NRBP2: variants seen among roughly 807,000 people sequenced by gnomAD.
The protein encoded by NRBP2 is nuclear receptor binding protein 2.
Under a neutral mutation model 74.4 loss-of-function variants are expected in NRBP2, and 47 were observed. The observed-to-expected ratio is 0.63, with a 90% CI of 0.50 to 0.81. NRBP2 has a LOEUF of 0.81. Among genes scored for constraint, NRBP2 ranks in the 30% least tolerant of loss-of-function variants. NRBP2 has a pLI of 0.00. For missense variants in NRBP2, 613 were observed against 690.1 expected (o/e 0.89, Z 1.25); for synonymous variants, 312 against 273.8 (o/e 1.14, Z -1.38).
chr8:143,840,113 C>T lies in NRBP2; in HGVS notation c.246G>A (p.Ala82=), dbSNP rs1357796997. 6.5e-6 allele frequency: 10 copies of T among 1,536,004 alleles called. No homozygotes were observed. The highest frequency in any genetic ancestry group is 8.7e-6 in the Non-Finnish European group (10 of 1,146,900). The part of the protein sequence containing the change: ...LHFGDRKAFA[A]HEEKIQTVFE... ...GAGGGGGCAGCGGTCTCACCTCGTG[C>T]GCCGCGAAGGCCTTCCTGTCTCCGA... is the stretch of plus-strand genomic sequence containing the variant. The change falls in exon 2 of 18, where the codon GCG becomes GCA. Residue 82 remains alanine (A), a synonymous_variant. Transcript: ENST00000442628. The surrounding 1 kb of genome is among the most constrained non-coding windows in gnomAD (Gnocchi z 5.7).
chr8:143,834,446 C>T lies in NRBP2; in HGVS notation c.*1216G>A, dbSNP rs1430611815. On this transcript the variant is annotated 3_prime_UTR_variant, in exon 18 of 18. Coordinates refer to ENST00000442628, the MANE Select transcript of NRBP2 (RefSeq NM_178564.4). ...CAGGAGACAGAGTCTCCCCTAGAACCTCCAGGAAGGAAGGCAGCCTGCCAG... is the reference window on the plus strand; with the variant it reads ...CAGGAGACAGAGTCTCCCCTAGAACTTCCAGGAAGGAAGGCAGCCTGCCAG... 2.6e-5 allele frequency: 4 copies of T among 152,256 alleles called. No individual in the cohort carries two copies. Among genetic ancestry groups the T allele is most frequent in the Admixed American group, 2.0e-4 (3 of 15,286 alleles). 9.4% of individuals were successfully genotyped at this position (152,256 alleles called of 1,614,324 possible).
intron 9 of NRBP2, 43 bp from the exon 10 acceptor site, chr8:143,838,818 A>C: frequency 1.2e-6 from 2 of 1,611,502 alleles, no homozygotes; most frequent in Non-Finnish European, 1.7e-6. Flanking sequence ...GGGACCACAC[A>C]GGTGAGCCAG....
downstream of NRBP2, among the ~76,000 whole-genome samples, chr8:143,832,741 C>A (rs1374675860): frequency 1.3e-5 from 2 of 152,244 alleles, no homozygotes; most frequent in African/African-American, 4.8e-5. Context: ...TCTTGTGACC[C>A]TGACACATCC....
chr8:143,835,712 C>A lies in NRBP2; in HGVS notation c.1456G>T (p.Ala486Ser), dbSNP rs781826613. The A allele has an allele frequency of 1.3e-6, 2 of 1,599,900 alleles. No individual in the cohort carries two copies. The highest frequency in any genetic ancestry group is 2.2e-5 in the East Asian group (1 of 44,616). Residue 486 changes from alanine (A) to serine (S), a missense_variant, in exon 18 of 18, where the codon GCC becomes TCC. Coordinates refer to ENST00000442628, the MANE Select transcript of NRBP2 (RefSeq NM_178564.4). The surrounding 1 kb of genome is among the most constrained non-coding windows in gnomAD (Gnocchi z 4.9). ...AGGAAGGTGCTCTCCAGGAAGGCGG[C>A]CAGCTTCATCCGGTCGTCCTGCGGA... ...FLHEDDRMKL[A>S]AFLESTFLKY...
chr8:143,837,889 G>T lies in NRBP2; in HGVS notation c.841-134C>A. On this transcript the variant is annotated intron_variant, in intron 10 of 17. Transcript: ENST00000442628. The surrounding 1 kb of genome is among the most constrained non-coding windows in gnomAD (Gnocchi z 4.3). ...ACAGGACATGCAGGGATGCCCATAG[G>T]GAGGAGTCCCAGCAGCAGCAGCCAG... 8.9e-7 allele frequency: 1 copy of T among 1,129,434 alleles called. No individual in the cohort carries two copies. 70.0% of individuals were successfully genotyped at this position (1,129,434 alleles called of 1,614,324 possible).
chr8:143,838,187 G>A, intron 10 of NRBP2: 1 of 400,974 alleles, frequency 2.5e-6, no homozygotes. Flanking sequence ...TGAGGCCATG[G>A]AGTTAAGTCT....
chr8:143,840,195 G>A lies in NRBP2; in HGVS notation c.164C>T (p.Thr55Ile), dbSNP rs1554653393. The A allele has an allele frequency of 5.2e-6, 8 of 1,536,032 alleles. No individual in the cohort carries two copies. Among genetic ancestry groups the A allele is most frequent in the Non-Finnish European group, 8.7e-7 (1 of 1,146,900 alleles). Residue 55 changes from threonine to isoleucine, a missense_variant, in exon 2 of 18, where the codon ACC becomes ATC. By Grantham distance (89) the Thr-to-Ile change is moderately conservative. Coordinates refer to ENST00000442628, the MANE Select transcript of NRBP2 (RefSeq NM_178564.4). The surrounding 1 kb of genome is among the most constrained non-coding windows in gnomAD (Gnocchi z 5.7). The stretch of plus-strand genomic sequence containing the variant: ...CTCCTCCGTGTCCATGGCTAGGAAG[G>A]TGCTCTGAAGCCCTGGCATGTTCCC... Reference protein sequence around the residue: ...NQGNMPGLQSTFLAMDTEEGV... With the variant: ...NQGNMPGLQSIFLAMDTEEGV...
rs782614762 is a variant in NRBP2, at chr8:143,837,418, C to G, written c.1065G>C (p.Pro355=). Residue 355 remains proline, a synonymous_variant, in exon 12 of 18, where the codon CCG becomes CCC. Transcript: ENST00000442628. This position sits in a 1 kb window ranked among gnomAD's most constrained non-coding sequence, Gnocchi z 4.3. ...TGCTGACTGCTCACCGCCACTGCAG[C>G]GGGGGCCTGCGGGGCCGGGGAAGCT... ...LAELPRPRRP[P]LQWRYSEVSF... 1 of 1,600,688 alleles carries G rather than the reference C, an allele frequency of 6.2e-7. No homozygotes were observed. The highest frequency in any genetic ancestry group is 1.3e-5 in the African/African-American group (1 of 74,750).
chr8:143,832,494 G>T (rs1413525351), downstream of NRBP2, among the ~76,000 whole-genome samples: 3 of 152,212 alleles, frequency 2.0e-5, no homozygotes, highest in Non-Finnish European at 4.4e-5. Flanking sequence ...TCTCCTGCCC[G>T]TCCCTGGGCA....
At position 143,838,566 on chromosome 8, in the gene NRBP2, G is replaced by C. The variant is rs535041634; in HGVS notation, c.840+114C>G. 3.4e-5 allele frequency: 26 copies of C among 760,894 alleles called. No individual in the cohort carries two copies. The Admixed American group carries it at 4.9e-4, about 14-fold the overall frequency. The allele number at this position is 760,894 out of a possible 1,614,324, so 47.1% of individuals were successfully genotyped here. ...TCTTTGGGAGGGGTGCAGTCAGCTGGTATACCCCTCAACTGCACAAACTGT... is the reference window on the plus strand; with the variant it reads ...TCTTTGGGAGGGGTGCAGTCAGCTGCTATACCCCTCAACTGCACAAACTGT... On this transcript the variant is annotated intron_variant, in intron 10 of 17. Transcript: ENST00000442628.
chr8:143,830,250 C>T (rs983791020), downstream of NRBP2, among the ~76,000 whole-genome samples: 1 of 152,260 alleles, frequency 6.6e-6, no homozygotes, highest in Non-Finnish European at 1.5e-5. Flanking sequence ...TATTGCAGAG[C>T]TTAAGAAAGG....
rs553400704 is a variant in NRBP2, at chr8:143,833,907, A to G, written c.*1755T>C. 3 of 152,356 alleles carry G rather than the reference A, an allele frequency of 2.0e-5. No individual in the cohort carries two copies. The highest frequency in any genetic ancestry group is 4.1e-4 in the South Asian group (2 of 4,832). 9.4% of individuals were successfully genotyped at this position (152,356 alleles called of 1,614,324 possible). On this transcript the variant is annotated 3_prime_UTR_variant, in exon 18 of 18. Coordinates refer to ENST00000442628, the MANE Select transcript of NRBP2 (RefSeq NM_178564.4). ...TGAGTTGGAAGGCGTGAGAATTTGAATAATTTTGTAAATAGTATTGGAATA... is the reference window on the plus strand; with the variant it reads ...TGAGTTGGAAGGCGTGAGAATTTGAGTAATTTTGTAAATAGTATTGGAATA...
chr8:143,839,260 C>T lies in NRBP2; in HGVS notation c.580+54G>A, dbSNP rs1818578484. ...GGCATCAGAACTCCTCTGCCCTTGG[C>T]TCCAGGCACCTTCCCCTGCCCCGTT... is the stretch of plus-strand genomic sequence containing the variant. On this transcript the variant is annotated intron_variant, in intron 6 of 17. Transcript: ENST00000442628. The surrounding 1 kb of genome is among the most constrained non-coding windows in gnomAD (Gnocchi z 5.1). 1 of 1,535,524 alleles carries T rather than the reference C, an allele frequency of 6.5e-7. No homozygotes were observed. The highest frequency in any genetic ancestry group is 1.2e-5 in the South Asian group (1 of 84,036).
chr8:143,839,051 A>G lies in NRBP2; in HGVS notation c.654T>C (p.Leu218=). The G allele has an allele frequency of 6.5e-7, 1 of 1,539,048 alleles. No individual in the cohort carries two copies. The highest frequency in any genetic ancestry group is 8.7e-7 in the Non-Finnish European group (1 of 1,145,404). ...RSPIRAEREE[L]RNLHFFPPEY... Reference sequence around the variant, plus strand: ...CTGGGGGGAAGAAGTGCAGGTTCCGAAGTTCCTCTCGCTCAGCGCGGATGG... The same window carrying G: ...CTGGGGGGAAGAAGTGCAGGTTCCGGAGTTCCTCTCGCTCAGCGCGGATGG... The change falls in exon 8 of 18, where the codon CTT becomes CTC. Residue 218 remains leucine (L), a synonymous_variant. Transcript: ENST00000442628. The surrounding 1 kb of genome is among the most constrained non-coding windows in gnomAD (Gnocchi z 5.1).
downstream of NRBP2, among the ~76,000 whole-genome samples, chr8:143,831,317 C>G (rs145642991): frequency 1.7e-4 from 26 of 152,348 alleles, no homozygotes; most frequent in African/African-American, 6.0e-4. Flanking sequence ...ATGACTGCAT[C>G]TCAAAAGAGA....
chr8:143,840,286 G>A lies in NRBP2; in HGVS notation c.130-57C>T, dbSNP rs1563865487. The A allele has an allele frequency of 6.5e-7, 1 of 1,529,312 alleles. No homozygotes were observed. Among genetic ancestry groups the A allele is most frequent in the South Asian group, 1.2e-5 (1 of 83,014 alleles). The allele number at this position is 1,529,312 out of a possible 1,614,324, so 94.7% of individuals were successfully genotyped here. On this transcript the variant is annotated intron_variant, in intron 1 of 17. Transcript: ENST00000442628. This position sits in a 1 kb window ranked among gnomAD's most constrained non-coding sequence, Gnocchi z 5.7. ...GGTGTGTGTCAGGGTTGTGGGTGAGGATTTGGTCCCTGTCCACACCTTTCC... is the reference window on the plus strand; with the variant it reads ...GGTGTGTGTCAGGGTTGTGGGTGAGAATTTGGTCCCTGTCCACACCTTTCC...
At chr8:143,830,357 C>G (rs782021109), downstream of NRBP2, among the ~76,000 whole-genome samples, 1 of 152,254 alleles carries the variant, frequency 6.6e-6, no homozygotes, top group African/African-American at 2.4e-5. Context: ...CCCCAGACCT[C>G]TGTCCCTACC....
In NRBP2 at chr8:143,834,889, G is replaced by C. The variant is rs1350309557; in HGVS notation, c.*773C>G. Reference sequence around the variant, plus strand: ...GCGGGAGGTAACATGGAGGGGCTGTGAGTCTGAGGAGCAGGGAGGATGTGG... The same window carrying C: ...GCGGGAGGTAACATGGAGGGGCTGTCAGTCTGAGGAGCAGGGAGGATGTGG... On this transcript the variant is annotated 3_prime_UTR_variant, in exon 18 of 18. Coordinates refer to ENST00000442628, the MANE Select transcript of NRBP2 (RefSeq NM_178564.4). The C allele has an allele frequency of 1.3e-5, 2 of 152,472 alleles. No individual in the cohort carries two copies. Among genetic ancestry groups the C allele is most frequent in the African/African-American group, 4.8e-5 (2 of 41,450 alleles). The allele number at this position is 152,472 out of a possible 1,614,324, so 9.4% of individuals were successfully genotyped here.
In NRBP2 at chr8:143,837,102, G is replaced by T; in HGVS notation, c.1200C>A (p.Pro400=). ...TCTTGGCCTTTTGGACCTCCTCCGG[G>T]GGTGGGGCCAGCACACGGGGCAGCC... ...PLGLPRVLAP[P]PEEVQKAKTP... Residue 400 remains proline, a synonymous_variant, in exon 14 of 18, where the codon CCC becomes CCA. Coordinates refer to ENST00000442628, the MANE Select transcript of NRBP2 (RefSeq NM_178564.4). The surrounding 1 kb of genome is among the most constrained non-coding windows in gnomAD (Gnocchi z 4.3). 2 of 1,612,524 alleles carry T rather than the reference G, an allele frequency of 1.2e-6. No individual in the cohort carries two copies. The highest frequency in any genetic ancestry group is 1.7e-6 in the Non-Finnish European group (2 of 1,179,370).
Sources: allele counts gnomAD v4.1 joint callset (sites outside exome capture counted in the v4.1 genomes callset), GRCh38; gene constraint gnomAD v4.1.1; non-coding constraint Gnocchi (gnomAD v3.1); transcripts MANE v1.5; gene names NCBI Gene and HGNC (gene_info 2026-07-23, HGNC 2026-07-21).